Variants in ZDHHC5 observed in about 807,000 individuals in gnomAD.
ZDHHC5 encodes the protein zDHHC palmitoyltransferase 5.
Under a neutral mutation model 70.0 loss-of-function variants are expected in ZDHHC5, and 22 were observed. That is an observed-to-expected ratio of 0.31 (90% confidence interval 0.22 to 0.45). The LOEUF is 0.45. Among genes scored for constraint, ZDHHC5 ranks in the 20% least tolerant of loss-of-function variants. The pLI is 1.00. For synonymous variants in ZDHHC5, 313 were observed against 347.8 expected (o/e 0.90, Z 1.11); for missense variants, 746 against 926.9 (o/e 0.80, Z 2.53).
chr11:57,693,865 A>G lies in ZDHHC5; in HGVS notation c.835A>G (p.Thr279Ala). 1 of 1,613,236 alleles carries G rather than the reference A, an allele frequency of 6.2e-7. No individual in the cohort carries two copies. The highest frequency in any genetic ancestry group is 8.5e-7 in the Non-Finnish European group (1 of 1,179,634). ...ACCAGAAGTTTCAGATGGGCAGATA[A>G]CTGTGAAGATCATGGATAATGGCAT... Reference protein sequence around the residue: ...LRPEVSDGQITVKIMDNGIQG... With the variant: ...LRPEVSDGQIAVKIMDNGIQG... Residue 279 changes from threonine to alanine, a missense_variant, in exon 8 of 12, where the codon ACT (threonine) becomes GCT (alanine). Coordinates refer to ENST00000287169, the MANE Select transcript of ZDHHC5 (RefSeq NM_015457.3).
intron 7 of ZDHHC5, 92 bp downstream of exon 7, chr11:57,692,794 C>T (rs1399015102): frequency 1.5e-6 from 2 of 1,307,534 alleles, no homozygotes; most frequent in African/African-American, 1.5e-5. Context: ...CTGGTGAGAG[C>T]CTTTAGGAAG....
intron 1 of ZDHHC5, among the ~76,000 whole-genome samples, 177 bp from the exon 2 acceptor site, chr11:57,671,844 T>C (rs1050943384): frequency 3.3e-5 from 5 of 152,230 alleles, no homozygotes; most frequent in Non-Finnish European, 5.9e-5. Flanking sequence ...CAAAGGATTC[T>C]CAAGTCAGTT....
intron 11 of ZDHHC5, 63 bp from the exon 12 acceptor site, chr11:57,699,801 CTG>C (rs1946416025): frequency 1.3e-5 from 20 of 1,593,996 alleles, no homozygotes; most frequent in Admixed American, 3.4e-5. Context: ...ACCTTTGAAA[CTG>C]TCTCCCTTTC....
At position 57,700,494 on chromosome 11, in the gene ZDHHC5, T is replaced by C. The variant is rs921936858; in HGVS notation, c.*463T>C. On this transcript the variant is annotated 3_prime_UTR_variant, in exon 12 of 12. Coordinates refer to ENST00000287169, the MANE Select transcript of ZDHHC5 (RefSeq NM_015457.3). ...TGGGAAAATGAGGGAGGGATACATA[T>C]ACGGAGGGGGATCTTACTCTTCCCA... 7 of 151,732 alleles carry C rather than the reference T, an allele frequency of 4.6e-5. No individual in the cohort carries two copies. The highest frequency in any genetic ancestry group is 1.5e-4 in the African/African-American group (6 of 41,244). The allele number at this position is 151,732 out of a possible 1,614,324, so 9.4% of individuals were successfully genotyped here.
intron 2 of ZDHHC5, among the ~76,000 whole-genome samples, chr11:57,675,661 TCACC>T (rs780855761): frequency 6.6e-6 from 1 of 152,216 alleles, no homozygotes; most frequent in Non-Finnish European, 1.5e-5. Flanking sequence ...TCTCCCCTAG[TCACC>T]TTGTGGGGGC....
At chr11:57,673,347 A>G (rs1276279668) in intron 2 of ZDHHC5, among the ~76,000 whole-genome samples, 153 bp downstream of exon 2, 1 of 152,170 alleles carries the variant, frequency 6.6e-6, no homozygotes, top group Non-Finnish European at 1.5e-5. Flanking sequence ...ATGTAAGAAA[A>G]ATGAGAAAAA....
intron 2 of ZDHHC5, among the ~76,000 whole-genome samples, chr11:57,676,169 A>G (rs908999072): frequency 6.6e-6 from 1 of 152,244 alleles, no homozygotes; most frequent in African/African-American, 2.4e-5. Flanking sequence ...AAGTTGGGGA[A>G]AGCTATGAGC....
Position 57,698,877 on chromosome 11 carries a change from G to T in ZDHHC5, c.1441G>T (p.Asp481Tyr). 1 of 1,614,174 alleles carries T rather than the reference G, an allele frequency of 6.2e-7. No homozygotes were observed. Among genetic ancestry groups the T allele is most frequent in the South Asian group, 1.1e-5 (1 of 91,084 alleles). ...CTTGCTCACACCTTCAGACAGCCCT[G>T]ATTTTGAGTCAGTGCAGGCAGGGCC... Reference protein sequence around the residue: ...DSLLTPSDSPDFESVQAGPEP... With the variant: ...DSLLTPSDSPYFESVQAGPEP... The change falls in exon 11 of 12, where the codon GAT (aspartate) becomes TAT (tyrosine). Residue 481 changes from aspartate to tyrosine, a missense_variant. By Grantham distance (160) the Asp-to-Tyr change is radical. Coordinates refer to ENST00000287169, the MANE Select transcript of ZDHHC5 (RefSeq NM_015457.3).
chr11:57,679,012 AGATTCTT>A (rs1254122480), intron 2 of ZDHHC5, among the ~76,000 whole-genome samples: 1 of 152,186 alleles, frequency 6.6e-6, no homozygotes, highest in Non-Finnish European at 1.5e-5. Context: ...TAAAATCCAA[AGATTCTT>A]GACTCCTACT....
intron 1 of ZDHHC5, among the ~76,000 whole-genome samples, chr11:57,668,812 C>G (rs1432742317): frequency 6.6e-6 from 1 of 152,162 alleles, no homozygotes; most frequent in Non-Finnish European, 1.5e-5. Context: ...AAGTGGAGCC[C>G]GAATGCGTTT....
Position 57,696,771 on chromosome 11 carries a change from A to C in ZDHHC5, c.1020A>C (p.Leu340Phe). ...CCTTTTTTCTTGCAGATAGTAGCTT[A>C]TTGGCCAAGGACAGCCCCCCGACAC... ...LGLATNEDSS[L>F]LAKDSPPTPT... Residue 340 changes from leucine (L) to phenylalanine (F), a missense_variant, in exon 10 of 12, where the codon TTA becomes TTC. Leu to Phe is a conservative substitution (Grantham distance 22, BLOSUM62 0). Transcript: ENST00000287169. 6.2e-7 allele frequency: 1 copy of C among 1,613,544 alleles called. No homozygotes were observed. The highest frequency in any genetic ancestry group is 8.5e-7 in the Non-Finnish European group (1 of 1,179,588).
intron 1 of ZDHHC5, among the ~76,000 whole-genome samples, chr11:57,670,386 G>T: frequency 6.6e-6 from 1 of 151,782 alleles, no homozygotes; most frequent in East Asian, 1.9e-4. Context: ...CAGGAGAATT[G>T]CTTGAATCCG....
chr11:57,696,562 A>G (rs111868997), intron 9 of ZDHHC5, among the ~76,000 whole-genome samples, 199 bp from the exon 10 acceptor site: 9 of 152,170 alleles, frequency 5.9e-5, no homozygotes, highest in African/African-American at 1.9e-4. Context: ...CAAAAAATTT[A>G]AAAAAGTTAG....
At position 57,692,720 on chromosome 11, in the gene ZDHHC5, G is replaced by A. The variant is rs1455670613; in HGVS notation, c.752+18G>A. 1.2e-6 allele frequency: 2 copies of A among 1,613,382 alleles called. No individual in the cohort carries two copies. The highest frequency in any genetic ancestry group is 1.3e-5 in the African/African-American group (1 of 74,910). The stretch of plus-strand genomic sequence containing the variant: ...GCACCCAGGTACACCTATCCCTCTG[G>A]TCTAGTGTTTACCATTGGTCAGAAC... On this transcript the variant is annotated intron_variant, in intron 7 of 11. Transcript: ENST00000287169.
In ZDHHC5 at chr11:57,690,434, A is replaced by AC; in HGVS notation, c.658dup (p.Gln220ProfsTer5). The AC allele has an allele frequency of 6.2e-7, 1 of 1,614,068 alleles. No individual in the cohort carries two copies. Among genetic ancestry groups the AC allele is most frequent in the Non-Finnish European group, 8.5e-7 (1 of 1,180,028 alleles). The stretch of plus-strand genomic sequence containing the variant: ...TGGCCAGGGGACGCACAACCAATGA[A>AC]CAGGTATGGAGAAAAGTGACGAGAG... On this transcript the variant is annotated frameshift_variant, in exon 6 of 12. Coordinates refer to ENST00000287169, the MANE Select transcript of ZDHHC5 (RefSeq NM_015457.3). LOFTEE classifies it high-confidence loss of function.
Position 57,699,932 on chromosome 11 carries a change from C to A in ZDHHC5, c.2049C>A (p.Ala683=). ...GGCAGCCCAAGAGCTTAGGCTCAGC[C>A]TCCCCTGGCCCAGGCCAGCCACCTC... ...SNGQPKSLGS[A]SPGPGQPPLS... is the part of the protein sequence containing the mutation. Residue 683 remains alanine, a synonymous_variant, in exon 12 of 12, where the codon GCC becomes GCA. Coordinates refer to ENST00000287169, the MANE Select transcript of ZDHHC5 (RefSeq NM_015457.3). The A allele has an allele frequency of 6.2e-7, 1 of 1,614,272 alleles. No homozygotes were observed. The highest frequency in any genetic ancestry group is 1.1e-5 in the South Asian group (1 of 91,092).
At chr11:57,695,261 C>CA (rs1184017165) in intron 8 of ZDHHC5, among the ~76,000 whole-genome samples, 26 of 149,672 alleles carry the variant, frequency 1.7e-4, no homozygotes, top group Non-Finnish European at 2.4e-4. Flanking sequence ...AACTCCATCT[C>CA]AAAAAAAAAT....
In ZDHHC5 at chr11:57,682,506, C is replaced by T. The variant is rs1322412500; in HGVS notation, c.189C>T (p.Ser63=). ...TTCTCTTTGTGTTGGCCAACTTCAGCATGGCCACCTTCATGGACCCAGGGA... is the reference window on the plus strand; with the variant it reads ...TTCTCTTTGTGTTGGCCAACTTCAGTATGGCCACCTTCATGGACCCAGGGA... ...IMFLFVLANF[S]MATFMDPGIF... The change falls in exon 3 of 12, where the codon AGC becomes AGT. Residue 63 remains serine, a synonymous_variant. Coordinates refer to ENST00000287169, the MANE Select transcript of ZDHHC5 (RefSeq NM_015457.3). 1.9e-6 allele frequency: 3 copies of T among 1,614,164 alleles called. No individual in the cohort carries two copies. The East Asian group carries it at 6.7e-5, about 36-fold the overall frequency.
intron 6 of ZDHHC5, among the ~76,000 whole-genome samples, chr11:57,691,449 G>A (rs894759642): frequency 1.3e-5 from 2 of 151,944 alleles, no homozygotes; most frequent in East Asian, 1.9e-4. Context: ...CGCCCACCTC[G>A]GCCTCCCAAA....
Sources: gnomAD v4.1 joint callset for allele counts (sites outside exome capture counted in the v4.1 genomes callset) on GRCh38, gnomAD v4.1.1 for gene constraint, MANE v1.5 for transcripts, NCBI Gene and HGNC (gene_info 2026-07-23, HGNC 2026-07-21) for gene names.